Variants in CNPY1 observed in about 807,000 individuals in gnomAD.
CNPY1 encodes protein canopy homolog 1.
Under a neutral mutation model 14.4 loss-of-function variants are expected in CNPY1, and 14 were observed. That is an observed-to-expected ratio of 0.97 (90% CI 0.64 to 1.52). CNPY1 has a LOEUF of 1.52. Ranked by LOEUF, CNPY1 falls within the 40% of genes most tolerant of loss-of-function variation. CNPY1 has a pLI of 0.00. For synonymous variants in CNPY1, 43 were observed against 46.5 expected (o/e 0.92, Z 0.31); for missense variants, 129 against 131.5 (o/e 0.98, Z 0.09).
At chr7:155,528,780 G>A (rs1796877057) in intron 2 of CNPY1, among the ~76,000 whole-genome samples, 2 of 152,334 alleles carry the variant, frequency 1.3e-5, no homozygotes, top group South Asian at 4.1e-4. Context: ...ACAACTTTGG[G>A]CTGGGCGCGG....
At chr7:155,543,401 C>A (rs1019357753) in intron 2 of CNPY1, among the ~76,000 whole-genome samples, 1 of 152,180 alleles carries the variant, frequency 6.6e-6, no homozygotes, top group African/African-American at 2.4e-5. Flanking sequence ...CAAGTCCAAG[C>A]AGAGCAAGGG....
intron 4 of CNPY1, among the ~76,000 whole-genome samples, chr7:155,505,198 T>A (rs1363741934): frequency 2.6e-5 from 4 of 152,224 alleles, no homozygotes; most frequent in Admixed American, 2.6e-4. Flanking sequence ...ATATGTTTCA[T>A]GAAGAAACAT....
intron 2 of CNPY1, among the ~76,000 whole-genome samples, chr7:155,531,755 C>A (rs1796941015): frequency 1.3e-5 from 2 of 152,226 alleles, no homozygotes; most frequent in Non-Finnish European, 2.9e-5. Context: ...GGAATCCCAG[C>A]AAGAATGTCA....
chr7:155,506,961 G>C, intron 4 of CNPY1, 59 bp downstream of exon 4: 1 of 1,156,502 alleles, frequency 8.6e-7, no homozygotes, highest in Admixed American at 1.7e-5. Flanking sequence ...ACGCTGCAAG[G>C]CTGAGTGAGA....
intron 2 of CNPY1, among the ~76,000 whole-genome samples, chr7:155,527,793 G>A (rs1487099051): frequency 6.6e-6 from 1 of 152,144 alleles, no homozygotes; most frequent in East Asian, 1.9e-4. Context: ...CCCACATAGA[G>A]TAATGAGACA....
At chr7:155,533,408 G>C (rs921152274) in intron 2 of CNPY1, among the ~76,000 whole-genome samples, 2 of 152,232 alleles carry the variant, frequency 1.3e-5, no homozygotes, top group African/African-American at 4.8e-5. Flanking sequence ...CAAAGTTAAC[G>C]TTTGTTTACT....
chr7:155,521,479 G>C (rs1024561270), intron 2 of CNPY1, among the ~76,000 whole-genome samples: 2 of 152,152 alleles, frequency 1.3e-5, no homozygotes, highest in Non-Finnish European at 2.9e-5. Flanking sequence ...GGTCCTGCTG[G>C]ATGTGAAGAT....
chr7:155,502,756 T>C lies in CNPY1; in HGVS notation c.*312A>G. ...AGCAGCATACATTATGAAATCCCTATTTTGTTTATGAAATGTCTTCGCTTT... is the reference window on the plus strand; with the variant it reads ...AGCAGCATACATTATGAAATCCCTACTTTGTTTATGAAATGTCTTCGCTTT... On this transcript the variant is annotated 3_prime_UTR_variant, in exon 5 of 5. Transcript: ENST00000636446. 1 of 360,478 alleles carries C rather than the reference T, an allele frequency of 2.8e-6. No individual in the cohort carries two copies. The highest frequency in any genetic ancestry group is 6.4e-5 in the South Asian group (1 of 15,590). 22.3% of individuals were successfully genotyped at this position (360,478 alleles called of 1,614,324 possible).
At chr7:155,537,531 C>G (rs1797037996) in intron 2 of CNPY1, among the ~76,000 whole-genome samples, 1 of 150,254 alleles carries the variant, frequency 6.7e-6, no homozygotes, top group Non-Finnish European at 1.5e-5. Context: ...TCAAGTGATT[C>G]TCCTGCCTCA....
At chr7:155,504,079 T>C (rs1443251127) in intron 4 of CNPY1, among the ~76,000 whole-genome samples, 2 of 152,232 alleles carry the variant, frequency 1.3e-5, no homozygotes, top group Admixed American at 6.5e-5. Context: ...CTTGCCTTTA[T>C]GTCTTGCCTA....
chr7:155,528,288 T>C (rs968055642), intron 2 of CNPY1, among the ~76,000 whole-genome samples: 3 of 152,250 alleles, frequency 2.0e-5, no homozygotes, highest in African/African-American at 7.2e-5. Flanking sequence ...GCACTTTCTT[T>C]CATTGCTTTA....
At chr7:155,526,172 T>G (rs1442544922) in intron 2 of CNPY1, among the ~76,000 whole-genome samples, 1 of 152,228 alleles carries the variant, frequency 6.6e-6, no homozygotes, top group East Asian at 1.9e-4. Flanking sequence ...ATCTTATTTT[T>G]CCACAAATTC....
At chr7:155,507,986 T>A (rs1320878988) in intron 3 of CNPY1, among the ~76,000 whole-genome samples, 1 of 152,248 alleles carries the variant, frequency 6.6e-6, no homozygotes, top group East Asian at 1.9e-4. Context: ...CAAACACACG[T>A]ATTCATTGTC....
At chr7:155,509,596 A>C (rs1324034586) in intron 2 of CNPY1, among the ~76,000 whole-genome samples, 1 of 152,050 alleles carries the variant, frequency 6.6e-6, no homozygotes, top group Non-Finnish European at 1.5e-5. Context: ...TTAGTCGGGG[A>C]GAAGTTGGGG....
At chr7:155,506,236 C>G (rs951883927) in intron 4 of CNPY1, among the ~76,000 whole-genome samples, 14 of 152,290 alleles carry the variant, frequency 9.2e-5, no homozygotes, top group African/African-American at 3.4e-4. Flanking sequence ...TCATTGTCTT[C>G]ATATCTACTC....
intron 2 of CNPY1, among the ~76,000 whole-genome samples, chr7:155,533,590 C>G (rs921090340): frequency 3.3e-5 from 5 of 152,184 alleles, no homozygotes; most frequent in Non-Finnish European, 7.3e-5. Flanking sequence ...CGCTCCGTCC[C>G]GGTCCGGCGT....
chr7:155,512,667 C>G (rs1796552278), intron 2 of CNPY1, among the ~76,000 whole-genome samples: 3 of 152,178 alleles, frequency 2.0e-5, no homozygotes, highest in Admixed American at 2.0e-4. Context: ...TAGTAAATTT[C>G]TTGCTTGATA....
At chr7:155,528,871 T>A (rs568557445) in intron 2 of CNPY1, among the ~76,000 whole-genome samples, 58 of 152,184 alleles carry the variant, frequency 3.8e-4, no homozygotes, top group African/African-American at 1.3e-3. Flanking sequence ...CCATCCTGGC[T>A]AACATGATGA....
chr7:155,545,368 C>T (rs1055299733), intron 2 of CNPY1, among the ~76,000 whole-genome samples: 3 of 152,192 alleles, frequency 2.0e-5, no homozygotes, highest in Non-Finnish European at 4.4e-5. Context: ...TGTGCAAGAA[C>T]GTTTCTTCCT....
Sources: allele counts gnomAD v4.1 joint callset (sites outside exome capture counted in the v4.1 genomes callset), GRCh38; gene constraint gnomAD v4.1.1; transcripts MANE v1.5; gene names NCBI Gene and HGNC (gene_info 2026-07-23, HGNC 2026-07-21).